Variants in BMAL2 observed in about 807,000 individuals in gnomAD.
The protein encoded by BMAL2 is basic helix-loop-helix ARNT like 2, also known as basic helix-loop-helix ARNT-like protein 2.
At chr12:27,420,019 G>GCGCGCACACACACACACA in the BMAL2 span, among the ~76,000 whole-genome samples, 1 of 147,570 alleles carries the variant, frequency 6.8e-6, no homozygotes, top group African/African-American at 2.5e-5. Flanking sequence ...GTTTGCGCGT[G>GCGCGCACACACACACACA]CACACACACA....
the BMAL2 span, among the ~76,000 whole-genome samples, chr12:27,373,558 T>C: frequency 6.6e-6 from 1 of 152,002 alleles, no homozygotes; most frequent in African/African-American, 2.4e-5. Context: ...GGATATACTC[T>C]GGGGGTGCTG....
chr12:27,357,968 C>G, the BMAL2 span, among the ~76,000 whole-genome samples: 1 of 151,724 alleles, frequency 6.6e-6, no homozygotes, highest in Non-Finnish European at 1.5e-5. Context: ...AGTTCAAGAC[C>G]AAGAACCCAG....
chr12:27,378,876 T>C, the BMAL2 span, among the ~76,000 whole-genome samples: 145 of 152,254 alleles, frequency 9.5e-4, 1 homozygote, highest in African/African-American at 3.3e-3. Context: ...AGATCTAGAA[T>C]TGACAGGAGT....
the BMAL2 span, chr12:27,423,834 A>G: frequency 6.6e-6 from 1 of 152,152 alleles, no homozygotes; most frequent in East Asian, 1.9e-4. Context: ...CTGGGATTCT[A>G]ATCCACAGGA....
chr12:27,403,574 G>C, the BMAL2 span: 1 of 1,320,074 alleles, frequency 7.6e-7, no homozygotes, highest in Non-Finnish European at 1.1e-6. Context: ...ATTTTCAAAA[G>C]TAAAAATATC....
the BMAL2 span, among the ~76,000 whole-genome samples, chr12:27,349,589 A>T: frequency 1.3e-5 from 2 of 152,162 alleles, no homozygotes; most frequent in African/African-American, 4.8e-5. Context: ...TTATATGAGG[A>T]TGGAAAGGCA....
At chr12:27,398,782 T>C in the BMAL2 span, among the ~76,000 whole-genome samples, 1 of 152,336 alleles carries the variant, frequency 6.6e-6, no homozygotes. Flanking sequence ...ACAGACTTTC[T>C]TAAGTCTATA....
the BMAL2 span, among the ~76,000 whole-genome samples, chr12:27,371,997 G>A: frequency 1.3e-5 from 2 of 152,216 alleles, no homozygotes; most frequent in Non-Finnish European, 2.9e-5. Flanking sequence ...GGGAGTCCAA[G>A]GTGGGTGGAC....
At chr12:27,395,360 C>T in the BMAL2 span, among the ~76,000 whole-genome samples, 1 of 152,008 alleles carries the variant, frequency 6.6e-6, no homozygotes. Context: ...AGGATTTTTC[C>T]TAGATATGGG....
chr12:27,357,813 G>T, the BMAL2 span, among the ~76,000 whole-genome samples: 4,557 of 152,184 alleles, frequency 0.03, 89 homozygotes, highest in South Asian at 0.09. Flanking sequence ...AAGCCACATG[G>T]AGAAGAATGA....
At chr12:27,379,969 G>T in the BMAL2 span, among the ~76,000 whole-genome samples, 1 of 152,132 alleles carries the variant, frequency 6.6e-6, no homozygotes, top group African/African-American at 2.4e-5. Context: ...ATTGGAAACA[G>T]GTGGAAAAAC....
At chr12:27,375,868 A>G in the BMAL2 span, among the ~76,000 whole-genome samples, 14 of 152,190 alleles carry the variant, frequency 9.2e-5, no homozygotes, top group Non-Finnish European at 1.9e-4. Flanking sequence ...CCAGTTTTCA[A>G]TATTGGTTAC....
the BMAL2 span, among the ~76,000 whole-genome samples, chr12:27,363,875 T>A: frequency 1.3e-5 from 2 of 152,220 alleles, no homozygotes; most frequent in East Asian, 3.8e-4. Flanking sequence ...AATTTCTTTC[T>A]ATGAAATAAA....
the BMAL2 span, among the ~76,000 whole-genome samples, chr12:27,360,811 A>G: frequency 6.7e-6 from 1 of 148,534 alleles, no homozygotes; most frequent in Non-Finnish European, 1.5e-5. Flanking sequence ...TCCAAAAAAA[A>G]AAAAAAAAAA....
At chr12:27,373,989 A>G in the BMAL2 span, among the ~76,000 whole-genome samples, 1 of 152,240 alleles carries the variant, frequency 6.6e-6, no homozygotes, top group Non-Finnish European at 1.5e-5. Context: ...AAACAAAGAA[A>G]TGAATTGTTT....
chr12:27,333,002 G>A, the BMAL2 span: 13 of 1,137,072 alleles, frequency 1.1e-5, no homozygotes, highest in East Asian at 3.8e-5. Flanking sequence ...CCTGGGCCGG[G>A]GCAGGGCGGG....
At chr12:27,343,021 C>T in the BMAL2 span, among the ~76,000 whole-genome samples, 1 of 152,166 alleles carries the variant, frequency 6.6e-6, no homozygotes, top group Non-Finnish European at 1.5e-5. Context: ...AGAAGGCATC[C>T]AGAGCAAATT....
chr12:27,390,337 A>C, the BMAL2 span: 1 of 1,289,438 alleles, frequency 7.8e-7, no homozygotes, highest in Non-Finnish European at 1.1e-6. Flanking sequence ...GGTCAAGGGA[A>C]ATATTTGAAT....
the BMAL2 span, chr12:27,400,886 A>T: frequency 2.0e-6 from 2 of 1,012,714 alleles, no homozygotes; most frequent in East Asian, 5.0e-5. Flanking sequence ...GTTTCAGAAC[A>T]GAAAATAAAG....
Sources: allele counts gnomAD v4.1 joint callset (sites outside exome capture counted in the v4.1 genomes callset), GRCh38; gene constraint gnomAD v4.1.1; transcripts MANE v1.5; gene names NCBI Gene and HGNC (gene_info 2026-07-23, HGNC 2026-07-21).